Variants in UBE2H observed in about 807,000 individuals in gnomAD.
UBE2H encodes the protein ubiquitin conjugating enzyme E2 H.
Under a neutral mutation model 29.0 loss-of-function variants are expected in UBE2H, and 3 were observed. That is an observed-to-expected ratio of 0.10 (90% CI 0.05 to 0.27). The LOEUF is 0.27. Among genes scored for constraint, UBE2H ranks in the 10% least tolerant of loss-of-function variants. The pLI is 1.00. For synonymous variants in UBE2H, 69 were observed against 82.9 expected (o/e 0.83, Z 0.91); for missense variants, 68 against 228.2 (o/e 0.30, Z 4.52).
chr7:129,908,556 T>C (rs1423623237), intron 1 of UBE2H, among the ~76,000 whole-genome samples: 2 of 152,218 alleles, frequency 1.3e-5, no homozygotes, highest in Non-Finnish European at 2.9e-5. Flanking sequence ...CTATTTCACG[T>C]CTCTGAAGCA....
chr7:129,909,470 C>T (rs1262793587), intron 1 of UBE2H, among the ~76,000 whole-genome samples: 1 of 152,166 alleles, frequency 6.6e-6, no homozygotes, highest in Non-Finnish European at 1.5e-5. Context: ...CAGGTTTGCT[C>T]ACTGAGCATT....
chr7:129,856,593 AG>A (rs1805709107), intron 5 of UBE2H, among the ~76,000 whole-genome samples: 1 of 152,380 alleles, frequency 6.6e-6, no homozygotes, highest in Admixed American at 6.5e-5. Flanking sequence ...TATACGGGGT[AG>A]GAGCACTGGA....
chr7:129,921,523 C>A (rs931701244), intron 1 of UBE2H, among the ~76,000 whole-genome samples: 1 of 151,790 alleles, frequency 6.6e-6, no homozygotes, highest in African/African-American at 2.4e-5. Context: ...CACAGTGAAA[C>A]CCTGTCTCTA....
intron 3 of UBE2H, among the ~76,000 whole-genome samples, chr7:129,873,973 G>A (rs1398164861): frequency 6.6e-6 from 1 of 152,080 alleles, no homozygotes; most frequent in East Asian, 1.9e-4. Flanking sequence ...TTCACAAATT[G>A]GTTTCTAAAC....
At chr7:129,868,362 T>A (rs963338779) in intron 3 of UBE2H, among the ~76,000 whole-genome samples, 1 of 151,780 alleles carries the variant, frequency 6.6e-6, no homozygotes, top group African/African-American at 2.4e-5. Flanking sequence ...GGGTGGATCA[T>A]GAGGTCAGGA....
At chr7:129,917,757 T>C (rs1415443209) in intron 1 of UBE2H, among the ~76,000 whole-genome samples, 1 of 151,636 alleles carries the variant, frequency 6.6e-6, no homozygotes, top group Non-Finnish European at 1.5e-5. Flanking sequence ...AAAGGAGGGG[T>C]AAAAAAACAA....
intron 1 of UBE2H, among the ~76,000 whole-genome samples, chr7:129,891,638 G>A (rs994976727): frequency 5.3e-5 from 8 of 151,724 alleles, no homozygotes; most frequent in Non-Finnish European, 1.0e-4. Context: ...CCCACCTCTA[G>A]TAAAAATGCA....
At position 129,944,769 on chromosome 7, in the gene UBE2H, T is replaced by C. The variant is rs1208597059; in HGVS notation, c.53+7734A>G. Among the ~76,000 whole-genome samples, 33 of 134,818 alleles carry C rather than the reference T, an allele frequency of 2.4e-4. 1 individual carries two copies. In the South Asian group the frequency reaches 4.4e-3, roughly 18 times the overall value. The allele number at this position is 134,818 out of a possible 152,430, so 88.4% of individuals were successfully genotyped here. On this transcript the variant is annotated intron_variant, in intron 1 of 6. Coordinates refer to ENST00000355621, the MANE Select transcript of UBE2H (RefSeq NM_003344.4). ...ACACACACGCACGCACGCACGCGCA[T>C]GCGCAAACCCTACCACATGATCTAG...
intron 3 of UBE2H, among the ~76,000 whole-genome samples, chr7:129,869,897 C>G (rs1458374096): frequency 6.6e-6 from 1 of 152,050 alleles, no homozygotes; most frequent in Non-Finnish European, 1.5e-5. Context: ...ACAATCTTCC[C>G]TTCCCCTTTC....
chr7:129,857,484 CA>C, intron 5 of UBE2H, 26 bp downstream of exon 5: 2 of 1,596,692 alleles, frequency 1.3e-6, no homozygotes, highest in Admixed American at 1.8e-5. Flanking sequence ...TCAACATCTC[CA>C]AAAAATATTC....
intron 1 of UBE2H, among the ~76,000 whole-genome samples, chr7:129,881,200 A>C (rs774152100): frequency 2.6e-5 from 4 of 152,204 alleles, no homozygotes; most frequent in Admixed American, 2.6e-4. Flanking sequence ...AATGCCATTT[A>C]CTGAGTTTTT....
intron 1 of UBE2H, among the ~76,000 whole-genome samples, chr7:129,892,740 A>G (rs1210456161): frequency 6.6e-6 from 1 of 152,042 alleles, no homozygotes; most frequent in African/African-American, 2.4e-5. Flanking sequence ...TTTGTTCTTA[A>G]CCTTTAGCTA....
chr7:129,949,428 T>C (rs1807830572), intron 1 of UBE2H, among the ~76,000 whole-genome samples: 1 of 152,162 alleles, frequency 6.6e-6, no homozygotes, highest in East Asian at 1.9e-4. Flanking sequence ...AAGGTTTTTT[T>C]ACTGGGACAC....
At chr7:129,865,589 C>G (rs988989518) in intron 3 of UBE2H, among the ~76,000 whole-genome samples, 10 of 152,210 alleles carry the variant, frequency 6.6e-5, no homozygotes, top group Non-Finnish European at 1.2e-4. Flanking sequence ...AAGGCCAAAA[C>G]AGCAGCTACA....
At position 129,835,044 on chromosome 7, in the gene UBE2H, C is replaced by A. The variant is rs1805296714; in HGVS notation, c.445G>T (p.Ala149Ser). ...TGTTCTTTCAGCGCCTCCTCCGTGG[C>A]GTATTTCTGGATGTACTCTGCACGG... is the stretch of plus-strand genomic sequence containing the variant. The part of the protein sequence containing the change: ...QKIKEYIQKY[A>S]TEEALKEQEE... Residue 149 changes from alanine to serine, a missense_variant, in exon 7 of 7, where the codon GCC (alanine) becomes TCC (serine). Physicochemically the swap from Ala to Ser is moderately conservative, Grantham distance 99. Coordinates refer to ENST00000355621, the MANE Select transcript of UBE2H (RefSeq NM_003344.4). The A allele has an allele frequency of 6.2e-7, 1 of 1,614,070 alleles. No homozygotes were observed. The highest frequency in any genetic ancestry group is 8.5e-7 in the Non-Finnish European group (1 of 1,180,020).
intron 3 of UBE2H, among the ~76,000 whole-genome samples, chr7:129,874,923 A>G (rs1806117085): frequency 1.3e-5 from 2 of 152,186 alleles, no homozygotes; most frequent in African/African-American, 4.8e-5. Context: ...CAGTGTGTGC[A>G]CTTATACACA....
chr7:129,894,483 CTTTTT>C (rs78614188), intron 1 of UBE2H, among the ~76,000 whole-genome samples: 4 of 99,128 alleles, frequency 4.0e-5, no homozygotes, highest in Non-Finnish European at 6.1e-5. Context: ...CTAATCCCAT[CTTTTT>C]TTTTTTTTTT....
intron 5 of UBE2H, among the ~76,000 whole-genome samples, chr7:129,854,061 T>TTTTTTTTTTTTTTTTTATTTA (rs1805659862): frequency 3.2e-4 from 18 of 56,248 alleles, no homozygotes; most frequent in Non-Finnish European, 4.8e-4. Flanking sequence ...TTAGTGTTAG[T>TTTTTTTTTTTTTTTTTATTTA]TTTTTTTTTT....
chr7:129,903,892 A>T (rs1806765846), intron 1 of UBE2H, among the ~76,000 whole-genome samples: 1 of 152,218 alleles, frequency 6.6e-6, no homozygotes, highest in African/African-American at 2.4e-5. Flanking sequence ...CAATAGAGTG[A>T]CACCCTGTCT....
Sources: allele counts gnomAD v4.1 joint callset (sites outside exome capture counted in the v4.1 genomes callset), GRCh38; gene constraint gnomAD v4.1.1; transcripts MANE v1.5; gene names NCBI Gene and HGNC (gene_info 2026-07-23, HGNC 2026-07-21).